The following XIRP2 variants were observed in gnomAD, a reference collection of about 807,000 sequenced individuals.
XIRP2 encodes xin actin binding repeat containing 2, also known as xin actin-binding repeat-containing protein 2.
In XIRP2, 236 loss-of-function variants were observed where a neutral mutation model predicts 277.0. That is an observed-to-expected ratio of 0.85 (90% CI 0.77 to 0.95). XIRP2 has a LOEUF of 0.95. Among genes scored for constraint, XIRP2 ranks in the 40% least tolerant of loss-of-function variants. The probability of loss-of-function intolerance (pLI) is 0.00; values close to 1 mark genes in which losing one functional copy is unlikely to be tolerated. For synonymous variants in XIRP2, 1,490 were observed against 1,416.5 expected (o/e 1.05, Z -1.17); for missense variants, 4,640 against 4,157.5 (o/e 1.12, Z -3.19).
At chr2:167,154,132 T>C (rs1244894058) in intron 3 of XIRP2, among the ~76,000 whole-genome samples, 2 of 149,560 alleles carry the variant, frequency 1.3e-5, no homozygotes, top group African/African-American at 5.0e-5. Context: ...CTCATTGTGG[T>C]TTTGATTTGC....
intron 2 of XIRP2, among the ~76,000 whole-genome samples, chr2:166,936,563 A>T (rs933851526): frequency 1.1e-4 from 16 of 152,134 alleles, no homozygotes; most frequent in Non-Finnish European, 1.9e-4. Flanking sequence ...ATTTAAGTCT[A>T]TAATCCATCT....
At chr2:167,088,562 T>C (rs1332157160) in intron 2 of XIRP2, among the ~76,000 whole-genome samples, 1 of 152,146 alleles carries the variant, frequency 6.6e-6, no homozygotes, top group African/African-American at 2.4e-5. Context: ...CTCAGTACAC[T>C]TGCATATCTT....
At chr2:167,035,863 G>C (rs778306674) in intron 2 of XIRP2, among the ~76,000 whole-genome samples, 2 of 152,176 alleles carry the variant, frequency 1.3e-5, no homozygotes, top group African/African-American at 2.4e-5. Context: ...CCTATGCTTT[G>C]TGCAGCCTAG....
chr2:167,239,331 A>G, intron 5 of XIRP2, among the ~76,000 whole-genome samples: 1 of 152,338 alleles, frequency 6.6e-6, no homozygotes, highest in South Asian at 2.1e-4. Context: ...TTGTGAATAC[A>G]TTAAATTACA....
intron 2 of XIRP2, among the ~76,000 whole-genome samples, chr2:167,075,922 C>T (rs1275788768): frequency 2.0e-5 from 3 of 151,654 alleles, no homozygotes; most frequent in African/African-American, 4.8e-5. Flanking sequence ...GTGATCCGCT[C>T]GCCTCGGCCT....
At chr2:167,083,526 A>C (rs982441904) in intron 2 of XIRP2, among the ~76,000 whole-genome samples, 4 of 152,178 alleles carry the variant, frequency 2.6e-5, no homozygotes, top group Non-Finnish European at 5.9e-5. Context: ...TCTGTAAATT[A>C]CCTTGGGCAG....
chr2:166,907,202 C>A (rs1228121950), intron 2 of XIRP2, among the ~76,000 whole-genome samples: 1 of 152,080 alleles, frequency 6.6e-6, no homozygotes, highest in Non-Finnish European at 1.5e-5. Context: ...TCCAAAGATA[C>A]AAATTCGTGT....
chr2:167,061,057 G>A (rs1203173112), intron 2 of XIRP2, among the ~76,000 whole-genome samples: 4 of 151,928 alleles, frequency 2.6e-5, no homozygotes, highest in African/African-American at 9.7e-5. Context: ...TAGTATTAAA[G>A]CATACAGTAT....
At chr2:167,018,707 G>C (rs1687901880) in intron 2 of XIRP2, among the ~76,000 whole-genome samples, 1 of 151,992 alleles carries the variant, frequency 6.6e-6, no homozygotes, top group African/African-American at 2.4e-5. Flanking sequence ...GCAAATCTGA[G>C]TGATGTCTTT....
chr2:167,068,258 C>A (rs1689350129), intron 2 of XIRP2, among the ~76,000 whole-genome samples: 1 of 151,982 alleles, frequency 6.6e-6, no homozygotes, highest in Non-Finnish European at 1.5e-5. Flanking sequence ...AACAAAAAAA[C>A]AAACAAACAC....
intron 2 of XIRP2, among the ~76,000 whole-genome samples, chr2:166,908,472 T>G (rs1467341836): frequency 1.3e-5 from 2 of 152,218 alleles, no homozygotes; most frequent in East Asian, 1.9e-4. Context: ...GTTTGTTTTT[T>G]TCTTGTAAGT....
At chr2:166,937,669 C>A (rs924760651) in intron 2 of XIRP2, among the ~76,000 whole-genome samples, 1 of 152,094 alleles carries the variant, frequency 6.6e-6, no homozygotes, top group Admixed American at 6.6e-5. Context: ...CAGAAGGAAT[C>A]GTACCAGCTC....
At chr2:167,137,000 C>T (rs192220637) in intron 3 of XIRP2, among the ~76,000 whole-genome samples, 2 of 152,316 alleles carry the variant, frequency 1.3e-5, no homozygotes, top group Admixed American at 6.5e-5. Context: ...AATGCAGAAC[C>T]TTCGGCCTCA....
chr2:167,153,181 T>G (rs1207893374), intron 3 of XIRP2, among the ~76,000 whole-genome samples: 1 of 152,102 alleles, frequency 6.6e-6, no homozygotes, highest in Admixed American at 6.6e-5. Flanking sequence ...TAGTTTTAAT[T>G]TGTGAGTATA....
At chr2:167,159,797 T>A (rs904649107) in intron 3 of XIRP2, among the ~76,000 whole-genome samples, 5 of 152,232 alleles carry the variant, frequency 3.3e-5, no homozygotes, top group Non-Finnish European at 5.9e-5. Flanking sequence ...TATGACACAA[T>A]GCTCATTTCT....
chr2:167,159,145 G>C (rs73019954), intron 3 of XIRP2, among the ~76,000 whole-genome samples: 1 of 152,022 alleles, frequency 6.6e-6, no homozygotes, highest in Non-Finnish European at 1.5e-5. Flanking sequence ...TTGGTATACC[G>C]GGGGAGGAAC....
At chr2:166,909,499 G>C (rs1227888654) in intron 2 of XIRP2, among the ~76,000 whole-genome samples, 1 of 152,176 alleles carries the variant, frequency 6.6e-6, no homozygotes, top group African/African-American at 2.4e-5. Flanking sequence ...TTGCTTATCA[G>C]CTTAAGGAGA....
chr2:167,239,101 T>G (rs1694982549), intron 5 of XIRP2, among the ~76,000 whole-genome samples: 1 of 152,220 alleles, frequency 6.6e-6, no homozygotes, highest in African/African-American at 2.4e-5. Context: ...ATTCTTCAAC[T>G]GAACTCTGGA....
At chr2:167,034,288 A>G (rs1482562334) in intron 2 of XIRP2, among the ~76,000 whole-genome samples, 1 of 152,136 alleles carries the variant, frequency 6.6e-6, no homozygotes, top group Non-Finnish European at 1.5e-5. Context: ...AAAAAAACTT[A>G]CAACGGATAC....
Sources: gnomAD v4.1 joint callset for allele counts (sites outside exome capture counted in the v4.1 genomes callset) on GRCh38, gnomAD v4.1.1 for gene constraint, MANE v1.5 for transcripts, NCBI Gene and HGNC (gene_info 2026-07-23, HGNC 2026-07-21) for gene names.